Variants in DIAPH3 observed in about 807,000 individuals in gnomAD.
DIAPH3 encodes protein diaphanous homolog 3.
A neutral mutation model predicts 144.3 loss-of-function variants in DIAPH3; 117 were observed. The ratio of observed to expected loss-of-function variants is 0.81; its 90% CI spans 0.70 to 0.95. DIAPH3 has a LOEUF of 0.95. Among genes scored for constraint, DIAPH3 ranks in the 40% least tolerant of loss-of-function variants. DIAPH3 has a pLI of 0.00. For synonymous variants in DIAPH3, 519 were observed against 488.9 expected (o/e 1.06, Z -0.81); for missense variants, 1,421 against 1,412.7 (o/e 1.01, Z -0.09).
At chr13:59,944,804 C>T (rs2140404212) in intron 17 of DIAPH3, among the ~76,000 whole-genome samples, 1 of 141,272 alleles carries the variant, frequency 7.1e-6, no homozygotes, top group African/African-American at 2.5e-5. Flanking sequence ...AGGGGGGGGG[C>T]TATTATCCTT....
At position 60,049,428 on chromosome 13, in the gene DIAPH3, C is replaced by A. The variant is rs993350807; in HGVS notation, c.496-6608G>T. Among the ~76,000 whole-genome samples the A allele has an allele frequency of 5.3e-5, 8 of 152,258 alleles. No individual in the cohort carries two copies. In the South Asian group the frequency reaches 1.7e-3, roughly 32 times the overall value. Reference sequence around the variant, plus strand: ...CTGTCCAACTTGAACAATTTGTTGCCTCAAGGATTCTGCATTCCCACCTGA... The same window carrying A: ...CTGTCCAACTTGAACAATTTGTTGCATCAAGGATTCTGCATTCCCACCTGA... On this transcript the variant is annotated intron_variant, in intron 4 of 27. Transcript: ENST00000400324.
intron 24 of DIAPH3, among the ~76,000 whole-genome samples, chr13:59,820,554 G>A (rs1030361856): frequency 6.6e-6 from 1 of 151,576 alleles, no homozygotes; most frequent in African/African-American, 2.4e-5. Flanking sequence ...TTAAAACACT[G>A]CCCAATAATG....
chr13:60,116,568 G>A (rs941983450), intron 2 of DIAPH3, among the ~76,000 whole-genome samples: 1 of 151,610 alleles, frequency 6.6e-6, no homozygotes, highest in Non-Finnish European at 1.5e-5. Context: ...AAACTATTCT[G>A]GTTCTTTACA....
rs60918644 is a variant in DIAPH3 at position 59,749,519 on chromosome 13, C to CAA, written c.3319+24668_3319+24669dup. ...TGGGTGACAGAGCGAGACTCCATCT[C>CAA]AAAAAAAAAAAAAAAAAAAAAGCCA... On this transcript the variant is annotated intron_variant, in intron 27 of 27. Transcript: ENST00000400324. Among the ~76,000 whole-genome samples, 427 of 50,640 alleles carry CAA rather than the reference C, an allele frequency of 8.4e-3. 12 individuals are homozygous for CAA. Among genetic ancestry groups the CAA allele is most frequent in the African/African-American group, 0.014 (203 of 14,540 alleles). 33.2% of individuals were successfully genotyped at this position (50,640 alleles called of 152,430 possible).
At chr13:60,125,585 C>A (rs897908395) in intron 2 of DIAPH3, among the ~76,000 whole-genome samples, 1 of 151,896 alleles carries the variant, frequency 6.6e-6, no homozygotes, top group Non-Finnish European at 1.5e-5. Flanking sequence ...AATTCTCCAG[C>A]ATCTTATATC....
chr13:60,067,441 A>G (rs2057014537), intron 4 of DIAPH3, among the ~76,000 whole-genome samples: 2 of 152,126 alleles, frequency 1.3e-5, no homozygotes, highest in African/African-American at 4.8e-5. Flanking sequence ...TCTTTATCCA[A>G]CCAACATCTA....
At chr13:59,897,684 G>T (rs2140156972) in intron 20 of DIAPH3, among the ~76,000 whole-genome samples, 1 of 151,710 alleles carries the variant, frequency 6.6e-6, no homozygotes, top group East Asian at 2.0e-4. Flanking sequence ...GGGGGCGGAG[G>T]TTACAGTGAG....
Position 59,797,452 on chromosome 13 carries a change from T to C in DIAPH3, c.3163+13336A>G, listed in dbSNP as rs141800741. ...AATGAAGGAAGTATTTCAATGCCCA[T>C]TTTTATAATTTCTTTTGTCAGAAAT... is the stretch of plus-strand genomic sequence containing the variant. On this transcript the variant is annotated intron_variant, in intron 25 of 27. Transcript: ENST00000400324. 4.6e-3 allele frequency among the ~76,000 whole-genome samples: 707 copies of C among 152,314 alleles called. 6 individuals carry two copies. Among genetic ancestry groups the C allele is most frequent in the African/African-American group, 0.016 (667 of 41,560 alleles).
chr13:59,692,137 CTTTTTTTTTTTTT>C (rs56205887), intron 27 of DIAPH3, among the ~76,000 whole-genome samples: 10 of 58,178 alleles, frequency 1.7e-4, no homozygotes, highest in African/African-American at 3.7e-4. Flanking sequence ...TTGAGAAATT[CTTTTTTTTTTTTT>C]TTTTTTTTTT....
intron 27 of DIAPH3, among the ~76,000 whole-genome samples, chr13:59,740,109 T>C (rs1445720007): frequency 2.0e-5 from 3 of 152,220 alleles, no homozygotes; most frequent in Admixed American, 2.0e-4. Flanking sequence ...TATACACCAT[T>C]CACATTTTTG....
At chr13:60,058,872 G>A (rs150502966) in intron 4 of DIAPH3, among the ~76,000 whole-genome samples, 1 of 151,966 alleles carries the variant, frequency 6.6e-6, no homozygotes, top group Non-Finnish European at 1.5e-5. Context: ...GGCATACAGC[G>A]TGGTATAATA....
chr13:59,754,295 T>C (rs899015916), intron 27 of DIAPH3, among the ~76,000 whole-genome samples: 2 of 152,184 alleles, frequency 1.3e-5, no homozygotes, highest in Admixed American at 6.5e-5. Flanking sequence ...ATTTATCAGC[T>C]TTACGATTTT....
chr13:60,097,134 G>A (rs963908359), intron 3 of DIAPH3, among the ~76,000 whole-genome samples: 9 of 152,198 alleles, frequency 5.9e-5, no homozygotes, highest in Admixed American at 4.6e-4. Context: ...TATGGCACTC[G>A]CCTTCCTGAC....
intron 25 of DIAPH3, among the ~76,000 whole-genome samples, chr13:59,797,750 A>G (rs578009576): frequency 1.3e-5 from 2 of 152,200 alleles, no homozygotes; most frequent in African/African-American, 4.8e-5. Flanking sequence ...CCATTGCCCT[A>G]CCTGAACCCC....
At chr13:59,750,058 G>C (rs1481446358) in intron 27 of DIAPH3, among the ~76,000 whole-genome samples, 1 of 152,058 alleles carries the variant, frequency 6.6e-6, no homozygotes, top group Non-Finnish European at 1.5e-5. Flanking sequence ...GGTAATGACT[G>C]GGTCATTGTT....
intron 4 of DIAPH3, among the ~76,000 whole-genome samples, chr13:60,075,114 T>C (rs1029646937): frequency 6.6e-6 from 1 of 152,184 alleles, no homozygotes; most frequent in African/African-American, 2.4e-5. Flanking sequence ...ACATTTACTG[T>C]CAAAAATCTT....
intron 24 of DIAPH3, among the ~76,000 whole-genome samples, chr13:59,814,029 C>G (rs1316560877): frequency 1.3e-5 from 2 of 151,928 alleles, no homozygotes; most frequent in African/African-American, 4.8e-5. Flanking sequence ...AGCAAATATT[C>G]AGGAATGAAA....
rs1205259830 is a variant in DIAPH3, at chr13:60,112,178, T to C, written c.222A>G (p.Lys74=). Reference sequence around the variant, plus strand: ...TCCCTGGAATTCTTATGCTGGCAAATTTGTCCAGCTACAAAGAAAGACAGA... The same window carrying C: ...TCCCTGGAATTCTTATGCTGGCAAACTTGTCCAGCTACAAAGAAAGACAGA... The part of the protein sequence containing the change: ...IRTLTDDMLD[K]FASIRIPGSK... The change falls in exon 3 of 28, where the codon AAA becomes AAG. Residue 74 remains lysine, a synonymous_variant. Coordinates refer to ENST00000400324, the MANE Select transcript of DIAPH3 (RefSeq NM_001042517.2). The C allele has an allele frequency of 6.2e-7, 1 of 1,613,842 alleles. No homozygotes were observed. The highest frequency in any genetic ancestry group is 1.7e-5 in the Admixed American group (1 of 59,918).
At position 60,120,110 on chromosome 13, in the gene DIAPH3, A is replaced by ATTAATTCC. The variant is rs1431498313; in HGVS notation, c.214-7925_214-7924insGGAATTAA. 2.0e-5 allele frequency among the ~76,000 whole-genome samples: 3 copies of ATTAATTCC among 152,322 alleles called. No individual in the cohort carries two copies. In the East Asian group the frequency reaches 5.8e-4, roughly 29 times the overall value. ...ATGAATGATTAATTCTAGAGTGGGG[A>ATTAATTCC]AAAGTACCTTGAGAGGGGCTTTGGA... On this transcript the variant is annotated intron_variant, in intron 2 of 27. Coordinates refer to ENST00000400324, the MANE Select transcript of DIAPH3 (RefSeq NM_001042517.2).
Sources: allele counts gnomAD v4.1 joint callset (sites outside exome capture counted in the v4.1 genomes callset), GRCh38; gene constraint gnomAD v4.1.1; transcripts MANE v1.5; gene names NCBI Gene and HGNC (gene_info 2026-07-23, HGNC 2026-07-21).